SLC9A3: variants seen among roughly 807,000 people sequenced by gnomAD.
The protein encoded by SLC9A3 is solute carrier family 9 member A3.
In SLC9A3, 37 loss-of-function variants were observed where a neutral mutation model predicts 86.8. The observed-to-expected ratio is 0.43, with a 90% CI of 0.33 to 0.56. The LOEUF (loss-of-function observed/expected upper bound fraction) is 0.56. SLC9A3 is among the 20% of genes least tolerant of loss of function. SLC9A3 has a pLI of 0.06. For missense variants in SLC9A3, 1,011 were observed against 1,171.9 expected, an observed-to-expected ratio of 0.86 and a Z score of 2.00; for synonymous variants, 581 against 528.3, an observed-to-expected ratio of 1.10 and a Z score of -1.37.
chr5:488,262 G>C, intron 3 of SLC9A3, 54 bp downstream of exon 3: 1 of 1,592,280 alleles, frequency 6.3e-7, no homozygotes, highest in Non-Finnish European at 8.6e-7. Context: ...GGGTGAGACG[G>C]GGCCCAGGCC....
intron 16 of SLC9A3, among the ~76,000 whole-genome samples, chr5:473,976 GGCCCTAGT>G (rs1238054785): frequency 6.6e-6 from 1 of 152,168 alleles, no homozygotes; most frequent in Non-Finnish European, 1.5e-5. Context: ...AATCTCAGGC[GGCCCTAGT>G]GCCCTCAGCT....
chr5:476,607 C>G lies in SLC9A3; in HGVS notation c.1826G>C (p.Arg609Pro). The change falls in exon 12 of 17, where the codon CGG becomes CCG. Residue 609 changes from arginine to proline, a missense_variant. This residue lies in a region of SLC9A3 where 397 missense variants were observed against 346.3 expected (regional missense o/e 1.15). Coordinates refer to ENST00000264938, the MANE Select transcript of SLC9A3 (RefSeq NM_004174.4). ...QSLEQRRRSI[R>P]DAEDMVTHHT... is the part of the protein sequence containing the mutation. ...GTGCGTGACCATGTCCTCCGCGTCC[C>G]GGATGCTCCGCCGTCGCTGCTCCAG... The G allele has an allele frequency of 6.2e-7, 1 of 1,610,514 alleles. No individual in the cohort carries two copies. Among genetic ancestry groups the G allele is most frequent in the Non-Finnish European group, 8.5e-7 (1 of 1,179,882 alleles).
In SLC9A3 at chr5:483,267, G is replaced by A. The variant is rs1230115993; in HGVS notation, c.1148C>T (p.Ala383Val). The A allele has an allele frequency of 1.3e-6, 2 of 1,543,484 alleles. No individual in the cohort carries two copies. Among genetic ancestry groups the A allele is most frequent in the Admixed American group, 3.9e-5 (2 of 51,298 alleles). ...LTLVFISVYR[A>V]IGVVLQTWLL... ...GCAACCCGGCCCCGCCTCACCGATG[G>A]CCCGGTACACGGAGATGAAGACCAG... The change falls in exon 6 of 17, where the codon GCC becomes GTC. Residue 383 changes from alanine to valine, a missense_variant. Physicochemically the swap from Ala to Val is moderately conservative, Grantham distance 64. Coordinates refer to ENST00000264938, the MANE Select transcript of SLC9A3 (RefSeq NM_004174.4).
intron 1 of SLC9A3, among the ~76,000 whole-genome samples, chr5:492,494 G>A (rs1206011160): frequency 1.3e-5 from 2 of 151,936 alleles, no homozygotes; most frequent in African/African-American, 4.8e-5. Context: ...GTCCCACAGG[G>A]CTCAGAGCTG....
At chr5:488,192 C>T (rs948151083) in intron 3 of SLC9A3, 124 bp downstream of exon 3, 11 of 1,075,002 alleles carry the variant, frequency 1.0e-5, no homozygotes, top group Non-Finnish European at 1.4e-5. Flanking sequence ...GACGGGACGC[C>T]CCCGGGAGGG....
intron 5 of SLC9A3, among the ~76,000 whole-genome samples, chr5:484,090 C>T (rs1471146729): frequency 6.6e-6 from 1 of 151,646 alleles, no homozygotes; most frequent in East Asian, 2.0e-4. Flanking sequence ...GCTGGCTCAC[C>T]CCGCCGGACC....
At chr5:489,936 C>T (rs1739646646) in intron 2 of SLC9A3, among the ~76,000 whole-genome samples, 1 of 152,230 alleles carries the variant, frequency 6.6e-6, no homozygotes, top group African/African-American at 2.4e-5. Context: ...GCCTCTGATG[C>T]CTGAAGCTCT....
Position 479,525 on chromosome 5 carries a change from G to C in SLC9A3, c.1647+311C>G, listed in dbSNP as rs924505182. The C allele has an allele frequency of 4.1e-5, 14 of 344,500 alleles. 1 individual carries two copies. Among genetic ancestry groups the C allele is most frequent in the South Asian group, 1.9e-4 (7 of 37,478 alleles). 21.3% of individuals were successfully genotyped at this position (344,500 alleles called of 1,614,324 possible). ...CAGGGCTGTATTGGGACCAGGTCCC[G>C]TAACAGCCTGCCTGCTTACCGTCTG... On this transcript the variant is annotated intron_variant, in intron 10 of 16. Coordinates refer to ENST00000264938, the MANE Select transcript of SLC9A3 (RefSeq NM_004174.4).
At chr5:479,065 CTT>C (rs1560951446) in intron 10 of SLC9A3, 2 of 152,848 alleles carry the variant, frequency 1.3e-5, no homozygotes, top group East Asian at 1.9e-4. Context: ...CAGGACAGGT[CTT>C]TCTCTCCGGC....
At chr5:521,210 G>C (rs933572959) in intron 1 of SLC9A3, among the ~76,000 whole-genome samples, 1 of 152,258 alleles carries the variant, frequency 6.6e-6, no homozygotes, top group African/African-American at 2.4e-5. Context: ...CAAATAGGGG[G>C]CTTGTGGGGA....
In SLC9A3 at chr5:498,730, C is replaced by T. The variant is rs113466208; in HGVS notation, c.212-6659G>A. On this transcript the variant is annotated intron_variant, in intron 1 of 16. Transcript: ENST00000264938. ...CGTGTCTTCTCCCCTTGCTTGTGCCCGCCGTGGAAGGTTCTGTGGACATTC... is the reference window on the plus strand; with the variant it reads ...CGTGTCTTCTCCCCTTGCTTGTGCCTGCCGTGGAAGGTTCTGTGGACATTC... 5.9e-3 allele frequency among the ~76,000 whole-genome samples: 900 copies of T among 152,292 alleles called. 16 individuals are homozygous for T. The highest frequency in any genetic ancestry group is 0.021 in the African/African-American group (857 of 41,556).
At chr5:494,449 GT>G (rs1316453033) in intron 1 of SLC9A3, among the ~76,000 whole-genome samples, 1 of 152,252 alleles carries the variant, frequency 6.6e-6, no homozygotes, top group East Asian at 1.9e-4. Context: ...GACTCAGCAG[GT>G]TCTAGGCTGG....
intron 11 of SLC9A3, chr5:477,054 G>A: frequency 1.9e-6 from 1 of 515,356 alleles, no homozygotes; most frequent in South Asian, 2.6e-5. Flanking sequence ...GGTGGCATGG[G>A]GACCAGGACA....
rs1733795528 is a variant in SLC9A3 at position 518,431 on chromosome 5, C to A, written c.211+5681G>T. ...GATCTGGCATCCTGAGACCTGGCAC[C>A]CTGAGACCTGGTACCCCAACACCTG... On this transcript the variant is annotated intron_variant, in intron 1 of 16. Transcript: ENST00000264938. Among the ~76,000 whole-genome samples the A allele has an allele frequency of 2.0e-5, 3 of 151,974 alleles. No homozygotes were observed. In the South Asian group the frequency reaches 6.2e-4, roughly 32 times the overall value.
chr5:479,993 C>T (rs757775831), intron 9 of SLC9A3, 28 bp from the exon 10 acceptor site: 4 of 1,605,094 alleles, frequency 2.5e-6, no homozygotes, highest in Non-Finnish European at 3.4e-6. Context: ...GGGTGTGAGC[C>T]TCAGGTGACA....
In SLC9A3 at chr5:472,238, C is replaced by T. The variant is rs1579754129; in HGVS notation, c.*1141G>A. 1 of 352,826 alleles carries T rather than the reference C, an allele frequency of 2.8e-6. No individual in the cohort carries two copies. The highest frequency in any genetic ancestry group is 5.6e-6 in the Non-Finnish European group (1 of 179,122). 21.9% of individuals were successfully genotyped at this position (352,826 alleles called of 1,614,324 possible). On this transcript the variant is annotated 3_prime_UTR_variant, in exon 17 of 17. Coordinates refer to ENST00000264938, the MANE Select transcript of SLC9A3 (RefSeq NM_004174.4). Reference sequence around the variant, plus strand: ...GGACCAGGAGCTCTGTCCAAGGCCTCGCCCTGGGACGCTGGAAGGGGTGGG... The same window carrying T: ...GGACCAGGAGCTCTGTCCAAGGCCTTGCCCTGGGACGCTGGAAGGGGTGGG...
chr5:518,289 C>A (rs1037473628), intron 1 of SLC9A3, among the ~76,000 whole-genome samples: 1 of 152,156 alleles, frequency 6.6e-6, no homozygotes, highest in Admixed American at 6.5e-5. Context: ...AGGGTGGAGT[C>A]TGGCATCCCA....
At chr5:480,234 T>G in intron 9 of SLC9A3, 1 of 405,560 alleles carries the variant, frequency 2.5e-6, no homozygotes. Context: ...TCAGGCCTGG[T>G]CAGGCAAGGG....
intron 1 of SLC9A3, among the ~76,000 whole-genome samples, chr5:500,097 G>A (rs2126638470): frequency 6.6e-6 from 1 of 152,384 alleles, no homozygotes; most frequent in East Asian, 1.9e-4. Flanking sequence ...CGCACTGACT[G>A]CGGCAACCCC....
Sources: allele counts gnomAD v4.1 joint callset (sites outside exome capture counted in the v4.1 genomes callset), GRCh38; gene constraint gnomAD v4.1.1; regional missense constraint gnomAD v4.1.1; transcripts MANE v1.5; gene names NCBI Gene and HGNC (gene_info 2026-07-23, HGNC 2026-07-21).